The following CNTN4 variants were observed in gnomAD, a reference collection of about 807,000 sequenced individuals.
CNTN4 encodes the protein contactin-4.
A neutral mutation model predicts 122.5 loss-of-function variants in CNTN4; 77 were observed. The observed-to-expected ratio is 0.63, with a 90% CI of 0.52 to 0.76. CNTN4 has a LOEUF of 0.76. Among genes scored for constraint, CNTN4 ranks in the 30% least tolerant of loss-of-function variants. The pLI, the probability that CNTN4 is intolerant of heterozygous loss-of-function variation, is 0.00. For missense variants in CNTN4, 1,256 were observed against 1,259.1 expected (o/e 1.00, Z 0.04); for synonymous variants, 512 against 447.0 (o/e 1.15, Z -1.83).
intron 2 of CNTN4, among the ~76,000 whole-genome samples, chr3:2,296,520 T>C (rs2042317847): frequency 6.6e-6 from 1 of 152,128 alleles, no homozygotes; most frequent in Admixed American, 6.5e-5. Flanking sequence ...TATACCATAA[T>C]TGACAAGTAA....
chr3:2,285,709 T>A (rs969057861), intron 2 of CNTN4, among the ~76,000 whole-genome samples: 1 of 152,126 alleles, frequency 6.6e-6, no homozygotes, highest in Non-Finnish European at 1.5e-5. Context: ...CACGAAGAGA[T>A]CATCACTAAT....
intron 3 of CNTN4, among the ~76,000 whole-genome samples, chr3:2,384,762 G>GTC: frequency 2.0e-5 from 1 of 50,274 alleles, no homozygotes; most frequent in Admixed American, 1.6e-4. Context: ...CAATGTGTGC[G>GTC]TGTGTGTGTG....
intron 13 of CNTN4, among the ~76,000 whole-genome samples, chr3:2,944,433 G>C (rs2094651630): frequency 6.6e-6 from 1 of 151,974 alleles, no homozygotes. Context: ...TTTTCTTTCT[G>C]ATAATCATGA....
chr3:2,398,554 G>C (rs1027831349), intron 3 of CNTN4, among the ~76,000 whole-genome samples: 1 of 152,134 alleles, frequency 6.6e-6, no homozygotes, highest in South Asian at 2.1e-4. Flanking sequence ...GTAGAAGTAA[G>C]TTTACTATGG....
At chr3:2,859,341 A>G (rs112011333) in intron 7 of CNTN4, among the ~76,000 whole-genome samples, 3,698 of 152,290 alleles carry the variant, frequency 0.024, 72 homozygotes, top group Middle Eastern at 0.048. Flanking sequence ...TATCTTGGCT[A>G]TTGTGACTAG....
At chr3:2,585,492 T>C (rs2080150241) in intron 4 of CNTN4, among the ~76,000 whole-genome samples, 1 of 152,100 alleles carries the variant, frequency 6.6e-6, no homozygotes. Context: ...ATGTACACCA[T>C]GGAATACTAT....
chr3:2,150,559 G>A (rs1384739252), intron 2 of CNTN4, among the ~76,000 whole-genome samples: 2 of 152,188 alleles, frequency 1.3e-5, no homozygotes, highest in South Asian at 2.1e-4. Context: ...TGGGGATTCT[G>A]TAGCAGCTAC....
chr3:2,961,025 T>TCCAGA (rs200591902), intron 13 of CNTN4, among the ~76,000 whole-genome samples: 1 of 142,972 alleles, frequency 7.0e-6, no homozygotes, highest in Non-Finnish European at 1.5e-5. Flanking sequence ...GGTCAGGAGA[T>TCCAGA]CGAGACCATC....
intron 3 of CNTN4, among the ~76,000 whole-genome samples, chr3:2,489,780 T>C (rs1008548974): frequency 2.0e-5 from 3 of 152,222 alleles, no homozygotes; most frequent in Non-Finnish European, 4.4e-5. Flanking sequence ...TTTAGTCTTT[T>C]TCTTCTTCCC....
intron 8 of CNTN4, among the ~76,000 whole-genome samples, chr3:2,867,157 T>C (rs948897213): frequency 6.6e-6 from 1 of 152,196 alleles, no homozygotes; most frequent in Non-Finnish European, 1.5e-5. Flanking sequence ...AGAAATCTAA[T>C]TGCTAATCTC....
At chr3:2,183,497 G>A (rs567329678) in intron 2 of CNTN4, among the ~76,000 whole-genome samples, 5 of 151,654 alleles carry the variant, frequency 3.3e-5, no homozygotes, top group East Asian at 1.9e-4. Flanking sequence ...AATTATTCCC[G>A]CTTATTGACA....
At chr3:2,610,374 G>A (rs36096439) in intron 4 of CNTN4, among the ~76,000 whole-genome samples, 14,648 of 152,000 alleles carry the variant, frequency 0.096, 945 homozygotes, top group Non-Finnish European at 0.14. Flanking sequence ...AAGTCTTTAG[G>A]AACCTCTGTT....
intron 11 of CNTN4, among the ~76,000 whole-genome samples, chr3:2,902,200 C>G (rs1206203812): frequency 6.6e-6 from 1 of 152,026 alleles, no homozygotes; most frequent in Admixed American, 6.6e-5. Context: ...GGAGGAGATC[C>G]TTTTTGATAC....
At chr3:2,993,597 C>A (rs1231074127) in intron 14 of CNTN4, among the ~76,000 whole-genome samples, 1 of 152,096 alleles carries the variant, frequency 6.6e-6, no homozygotes, top group Non-Finnish European at 1.5e-5. Flanking sequence ...ACTGCGCCCC[C>A]CGAGACTGTG....
chr3:2,198,646 A>G (rs1371681306), intron 2 of CNTN4, among the ~76,000 whole-genome samples: 3 of 152,148 alleles, frequency 2.0e-5, no homozygotes, highest in African/African-American at 7.2e-5. Flanking sequence ...AAAAAATAAA[A>G]TATATTTCCT....
At chr3:3,011,735 C>T (rs1198884366) in intron 14 of CNTN4, among the ~76,000 whole-genome samples, 1 of 152,092 alleles carries the variant, frequency 6.6e-6, no homozygotes, top group Non-Finnish European at 1.5e-5. Flanking sequence ...GACTTAGAGT[C>T]GCGATATTTC....
intron 4 of CNTN4, among the ~76,000 whole-genome samples, chr3:2,676,936 A>G (rs2084879715): frequency 6.6e-6 from 1 of 152,222 alleles, no homozygotes; most frequent in Non-Finnish European, 1.5e-5. Context: ...GACTAGGAAC[A>G]TCTAAATAGA....
rs1050869693 is a variant in CNTN4 at position 2,548,062 on chromosome 3, G to C, written c.-88-23354G>C. Reference sequence around the variant, plus strand: ...GATTCTGGATATTATCCCTTTCTCAGATAGATTATTAGCCCTTTGTCAGAT... The same window carrying C: ...GATTCTGGATATTATCCCTTTCTCACATAGATTATTAGCCCTTTGTCAGAT... On this transcript the variant is annotated intron_variant, in intron 3 of 24. Coordinates refer to ENST00000418658, the MANE Select transcript of CNTN4 (RefSeq NM_175607.3). 2.0e-5 allele frequency among the ~76,000 whole-genome samples: 3 copies of C among 152,038 alleles called. 1 individual carries two copies. Among genetic ancestry groups the C allele is most frequent in the Non-Finnish European group, 4.4e-5 (3 of 67,910 alleles).
At chr3:2,303,707 C>T (rs1221461583) in intron 2 of CNTN4, among the ~76,000 whole-genome samples, 1 of 152,128 alleles carries the variant, frequency 6.6e-6, no homozygotes, top group Non-Finnish European at 1.5e-5. Flanking sequence ...ATTTCAGCAG[C>T]TCCGTTGTTC....
Sources: allele counts gnomAD v4.1 joint callset (sites outside exome capture counted in the v4.1 genomes callset), GRCh38; gene constraint gnomAD v4.1.1; transcripts MANE v1.5; gene names NCBI Gene and HGNC (gene_info 2026-07-23, HGNC 2026-07-21).